Variants in DNAAF11 observed in about 807,000 individuals in gnomAD.
DNAAF11 encodes leucine rich repeat containing 6.
A neutral mutation model predicts 60.8 loss-of-function variants in DNAAF11; 45 were observed. That is an observed-to-expected ratio of 0.74 (90% confidence interval 0.58 to 0.95). DNAAF11 has a LOEUF of 0.95. Among genes scored for constraint, DNAAF11 ranks in the 40% least tolerant of loss-of-function variants. The pLI is 0.00. For synonymous variants in DNAAF11, 191 were observed against 183.5 expected, an observed-to-expected ratio of 1.04 and a Z score of -0.33; for missense variants, 546 against 546.2, an observed-to-expected ratio of 1.00 and a Z score of 0.00.
intron 3 of DNAAF11, among the ~76,000 whole-genome samples, chr8:132,649,571 T>C (rs1213580132): frequency 6.6e-6 from 1 of 151,920 alleles, no homozygotes; most frequent in Non-Finnish European, 1.5e-5. Context: ...ACCATCAGAG[T>C]GAACAGGCAA....
At chr8:132,661,381 TA>T in intron 2 of DNAAF11, 78 bp downstream of exon 2, 1 of 1,213,544 alleles carries the variant, frequency 8.2e-7, no homozygotes. Flanking sequence ...GATTGTCTTC[TA>T]AAAATAACAC....
At chr8:132,633,842 A>T (rs895686900) in intron 4 of DNAAF11, among the ~76,000 whole-genome samples, 2 of 152,182 alleles carry the variant, frequency 1.3e-5, no homozygotes, top group Non-Finnish European at 2.9e-5. Flanking sequence ...AAATGCAGGT[A>T]TCCTCTAGAA....
chr8:132,668,279 T>C (rs540490120), intron 1 of DNAAF11, among the ~76,000 whole-genome samples: 1 of 152,202 alleles, frequency 6.6e-6, no homozygotes, highest in Non-Finnish European at 1.5e-5. Flanking sequence ...TATCCCAATC[T>C]AGTGATATCT....
At chr8:132,615,007 T>A in intron 8 of DNAAF11, 31 bp downstream of exon 8, 1 of 1,430,040 alleles carries the variant, frequency 7.0e-7, no homozygotes, top group Non-Finnish European at 9.7e-7. Flanking sequence ...GACAGAAATG[T>A]CATAAATAAA....
intron 5 of DNAAF11, among the ~76,000 whole-genome samples, chr8:132,627,375 G>A (rs977166579): frequency 6.6e-6 from 1 of 152,158 alleles, no homozygotes; most frequent in Non-Finnish European, 1.5e-5. Flanking sequence ...ATATAAATGT[G>A]TGTAACTGGT....
intron 10 of DNAAF11, among the ~76,000 whole-genome samples, chr8:132,585,532 G>T (rs985277115): frequency 6.6e-6 from 1 of 152,130 alleles, no homozygotes; most frequent in Non-Finnish European, 1.5e-5. Context: ...TTTTGCTGAA[G>T]CTCCAGAAGA....
rs1586628297 is a variant in DNAAF11 at position 132,628,866 on chromosome 8, A to G, written c.654-3412T>C. ...TTTTAACTTTTGTAAATTTTTATAA[A>G]CCAAGGATAGTAAATTATCTCCAAG... On this transcript the variant is annotated intron_variant, in intron 5 of 11. Transcript: ENST00000620350. 2.0e-5 allele frequency among the ~76,000 whole-genome samples: 3 copies of G among 152,290 alleles called. No homozygotes were observed. The East Asian group carries it at 5.8e-4, about 29-fold the overall frequency.
At chr8:132,668,605 ATT>A (rs1000670618) in intron 1 of DNAAF11, among the ~76,000 whole-genome samples, 1 of 149,196 alleles carries the variant, frequency 6.7e-6, no homozygotes, top group East Asian at 2.0e-4. Context: ...CGCCTGGCTA[ATT>A]TTTTTTTTGT....
chr8:132,632,577 C>G (rs1472813389), intron 5 of DNAAF11, among the ~76,000 whole-genome samples, 163 bp downstream of exon 5: 2 of 152,196 alleles, frequency 1.3e-5, no homozygotes, highest in African/African-American at 4.8e-5. Context: ...ACAGAATTGT[C>G]ACAAGCAATG....
chr8:132,661,626 G>C lies in DNAAF11; in HGVS notation c.12C>G (p.Ile4Met), dbSNP rs566832665. Residue 4 changes from isoleucine (I) to methionine (M), a missense_variant and splice_region_variant, in exon 2 of 12, where the codon ATC becomes ATG. Coordinates refer to ENST00000620350, the MANE Select transcript of DNAAF11 (RefSeq NM_012472.6). MGW[I>M]TEDLIRRNAE... ...CATTCCGTCTAATAAGATCTTCTGTGACTGGAAGAAAATGTGTTACATATT... is the reference window on the plus strand; with the variant it reads ...CATTCCGTCTAATAAGATCTTCTGTCACTGGAAGAAAATGTGTTACATATT... 3.1e-6 allele frequency: 5 copies of C among 1,613,346 alleles called. No homozygotes were observed. Among genetic ancestry groups the C allele is most frequent in the Non-Finnish European group, 4.2e-6 (5 of 1,179,364 alleles).
At chr8:132,624,960 T>A (rs1820102694) in intron 6 of DNAAF11, among the ~76,000 whole-genome samples, 1 of 152,166 alleles carries the variant, frequency 6.6e-6, no homozygotes, top group African/African-American at 2.4e-5. Context: ...GACCTTTTTC[T>A]AGGCTAGAAA....
At position 132,645,157 on chromosome 8, in the gene DNAAF11, C is replaced by T. The variant is rs549965197; in HGVS notation, c.257-7050G>A. ...AGCTTCCAGAGGTAGGATCAGGCAG[C>T]AACATTTGCTGTTCTGCAATATTTG... On this transcript the variant is annotated intron_variant, in intron 3 of 11. Coordinates refer to ENST00000620350, the MANE Select transcript of DNAAF11 (RefSeq NM_012472.6). Among the ~76,000 whole-genome samples, 3 of 152,286 alleles carry T rather than the reference C, an allele frequency of 2.0e-5. No homozygotes were observed. The Middle Eastern group carries it at 0.01, about 518-fold the overall frequency.
At chr8:132,620,860 T>C (rs991913484) in intron 7 of DNAAF11, among the ~76,000 whole-genome samples, 15 of 152,130 alleles carry the variant, frequency 9.9e-5, no homozygotes, top group Non-Finnish European at 2.1e-4. Context: ...GTGGCAAATC[T>C]AGGAATGAAA....
chr8:132,615,913 G>T (rs894617525), intron 7 of DNAAF11, among the ~76,000 whole-genome samples: 1 of 152,212 alleles, frequency 6.6e-6, no homozygotes, highest in East Asian at 1.9e-4. Context: ...TGAAGTTAGC[G>T]ATAGATTTGG....
chr8:132,679,194 C>T (rs553174430), upstream of DNAAF11, among the ~76,000 whole-genome samples: 1 of 152,288 alleles, frequency 6.6e-6, no homozygotes, highest in African/African-American at 2.4e-5. Context: ...TTTTTTTAGA[C>T]TGAGAGCTAC....
At chr8:132,630,633 A>G (rs1820704355) in intron 5 of DNAAF11, among the ~76,000 whole-genome samples, 1 of 152,190 alleles carries the variant, frequency 6.6e-6, no homozygotes, top group African/African-American at 2.4e-5. Context: ...CATAACCACC[A>G]AAGAATGTAT....
At chr8:132,615,369 G>C (rs1303480179) in intron 7 of DNAAF11, among the ~76,000 whole-genome samples, 2 of 152,230 alleles carry the variant, frequency 1.3e-5, no homozygotes, top group African/African-American at 4.8e-5. Context: ...TGCAGAGATA[G>C]AGACATCTGG....
In DNAAF11 at chr8:132,571,878, T is replaced by C. The variant is rs1236440953; in HGVS notation, c.*428A>G. ...AGCAGACACATCATGGGAAGGAAAA[T>C]GGAAATGCTGTTTAAAATCATATTA... On this transcript the variant is annotated 3_prime_UTR_variant, in exon 12 of 12. Transcript: ENST00000620350. 1 of 153,592 alleles carries C rather than the reference T, an allele frequency of 6.5e-6. No individual in the cohort carries two copies. Among genetic ancestry groups the C allele is most frequent in the African/African-American group, 2.4e-5 (1 of 41,518 alleles). 9.5% of individuals were successfully genotyped at this position (153,592 alleles called of 1,614,324 possible).
chr8:132,686,067 G>T, the DNAAF11 span, among the ~76,000 whole-genome samples: 2 of 152,150 alleles, frequency 1.3e-5, no homozygotes, highest in Non-Finnish European at 2.9e-5. Context: ...GACTGAAGAT[G>T]ATGATATGGG....
Sources: gnomAD v4.1 joint callset for allele counts (sites outside exome capture counted in the v4.1 genomes callset) on GRCh38, gnomAD v4.1.1 for gene constraint, MANE v1.5 for transcripts, NCBI Gene and HGNC (gene_info 2026-07-23, HGNC 2026-07-21) for gene names.